ATG4C: variants seen among roughly 807,000 people sequenced by gnomAD.
ATG4C encodes the protein autophagy related 4C cysteine peptidase, also known as cysteine protease ATG4C.
Under a neutral mutation model 57.6 loss-of-function variants are expected in ATG4C, and 56 were observed. The observed-to-expected ratio is 0.97, with a 90% CI of 0.78 to 1.21. The LOEUF is 1.21. ATG4C is among the 50% of genes most tolerant of loss of function. The pLI is 0.00. For synonymous variants in ATG4C, 157 were observed against 174.1 expected, an observed-to-expected ratio of 0.90 and a Z score of 0.78; for missense variants, 595 against 529.8, an observed-to-expected ratio of 1.12 and a Z score of -1.21.
chr1:62,851,119 A>G (rs1666509627), intron 10 of ATG4C, among the ~76,000 whole-genome samples: 1 of 151,838 alleles, frequency 6.6e-6, no homozygotes, highest in African/African-American at 2.4e-5. Context: ...ATAAGTTAGT[A>G]AAGAGGTCAG....
At chr1:62,805,368 G>T (rs1321262153) in intron 3 of ATG4C, 113 bp downstream of exon 3, 10 of 1,301,360 alleles carry the variant, frequency 7.7e-6, no homozygotes, top group South Asian at 2.1e-5. Flanking sequence ...TTAAGTATTT[G>T]TATTTCTTAT....
intron 10 of ATG4C, among the ~76,000 whole-genome samples, chr1:62,857,746 C>T (rs1418659418): frequency 6.6e-6 from 1 of 152,110 alleles, no homozygotes; most frequent in Non-Finnish European, 1.5e-5. Flanking sequence ...TATTGTGGTT[C>T]TCATCTCTGA....
At chr1:62,837,494 G>C (rs773534216) in intron 9 of ATG4C, among the ~76,000 whole-genome samples, 27 of 152,130 alleles carry the variant, frequency 1.8e-4, no homozygotes, top group Non-Finnish European at 3.5e-4. Flanking sequence ...AATTAGAAGG[G>C]AGTGAGAAGA....
At chr1:62,859,046 T>A (rs7527423) in intron 10 of ATG4C, among the ~76,000 whole-genome samples, 68,656 of 152,046 alleles carry the variant, frequency 0.45, 15,615 homozygotes, top group East Asian at 0.66. Context: ...TAAACCTGGA[T>A]TTGTGTAGCC....
Position 62,818,987 on chromosome 1 carries a change from G to A in ATG4C, c.395-18G>A. On this transcript the variant is annotated intron_variant, in intron 4 of 10. Coordinates refer to ENST00000317868, the MANE Select transcript of ATG4C (RefSeq NM_032852.4). ...TCTATTTAAAAGATCTGAACACTTT[G>A]CTTTGGAACTACTATAGCTTGGACC... is the stretch of plus-strand genomic sequence containing the variant. The A allele has an allele frequency of 1.3e-6, 2 of 1,498,490 alleles. No homozygotes were observed. Among genetic ancestry groups the A allele is most frequent in the Non-Finnish European group, 1.8e-6 (2 of 1,125,396 alleles). 92.8% of individuals were successfully genotyped at this position (1,498,490 alleles called of 1,614,324 possible). A position where few individuals can be genotyped will look rare whatever the true frequency, so the allele number is the denominator to read the frequency against.
At position 62,864,221 on chromosome 1, in the gene ATG4C, C is replaced by G. The variant is rs1331988008; in HGVS notation, c.*62C>G. 1.5e-6 allele frequency: 2 copies of G among 1,320,364 alleles called. No individual in the cohort carries two copies. The highest frequency in any genetic ancestry group is 2.6e-5 in the Admixed American group (1 of 38,262). 81.8% of individuals were successfully genotyped at this position (1,320,364 alleles called of 1,614,324 possible). ...TTGAAAGGGGAAAAATGAAGAGAAA[C>G]AAGTATATCTGAAATGTTTATTTTC... is the stretch of plus-strand genomic sequence containing the variant. On this transcript the variant is annotated 3_prime_UTR_variant, in exon 11 of 11. Coordinates refer to ENST00000317868, the MANE Select transcript of ATG4C (RefSeq NM_032852.4).
chr1:62,787,766 C>A (rs1664139778), intron 1 of ATG4C, among the ~76,000 whole-genome samples: 1 of 151,078 alleles, frequency 6.6e-6, no homozygotes, highest in Non-Finnish European at 1.5e-5. Context: ...ATAGTGCCAG[C>A]CTTATAGAAT....
intron 10 of ATG4C, among the ~76,000 whole-genome samples, chr1:62,849,979 CAG>C (rs1449490880): frequency 1.3e-5 from 2 of 152,072 alleles, no homozygotes; most frequent in Admixed American, 6.6e-5. Context: ...ATTTTTAACA[CAG>C]AAGTTTTGTT....
chr1:62,808,632 A>T (rs17316381), intron 3 of ATG4C, among the ~76,000 whole-genome samples: 28,533 of 152,196 alleles, frequency 0.19, 3,468 homozygotes, highest in Non-Finnish European at 0.27. Context: ...AACCAAAGGA[A>T]AGACATTTGT....
intron 10 of ATG4C, among the ~76,000 whole-genome samples, chr1:62,846,422 A>C (rs924729341): frequency 6.6e-6 from 1 of 152,118 alleles, no homozygotes; most frequent in African/African-American, 2.4e-5. Flanking sequence ...TATCTTGATG[A>C]TCTCATGCAG....
chr1:62,849,663 C>T (rs1430718482), intron 10 of ATG4C, among the ~76,000 whole-genome samples: 3 of 152,078 alleles, frequency 2.0e-5, no homozygotes, highest in Non-Finnish European at 2.9e-5. Context: ...CGGTGCCTGC[C>T]ACCACGCCCA....
At chr1:62,798,649 G>GTTT (rs759176582) in intron 1 of ATG4C, among the ~76,000 whole-genome samples, 1 of 143,106 alleles carries the variant, frequency 7.0e-6, no homozygotes, top group Admixed American at 7.0e-5. Context: ...TTTAATATTT[G>GTTT]TTTTTTTTTT....
intron 10 of ATG4C, among the ~76,000 whole-genome samples, chr1:62,844,027 A>G (rs758694146): frequency 2.0e-5 from 3 of 152,150 alleles, no homozygotes; most frequent in African/African-American, 7.2e-5. Flanking sequence ...GGGAAAGAGA[A>G]GGTTACTTCA....
chr1:62,863,108 A>C (rs1666903729), intron 10 of ATG4C, among the ~76,000 whole-genome samples: 1 of 152,036 alleles, frequency 6.6e-6, no homozygotes. Flanking sequence ...AACTTGTTTA[A>C]CAGAAATATT....
intron 9 of ATG4C, among the ~76,000 whole-genome samples, chr1:62,835,790 C>CA (rs1348472159): frequency 2.0e-5 from 3 of 151,990 alleles, no homozygotes; most frequent in Non-Finnish European, 4.4e-5. Context: ...TTTGTTCTTT[C>CA]ATAGTATCTT....
At chr1:62,840,151 C>T (rs527569154) in intron 9 of ATG4C, among the ~76,000 whole-genome samples, 1 of 152,150 alleles carries the variant, frequency 6.6e-6, no homozygotes, top group South Asian at 2.1e-4. Context: ...TCCAGCTCCC[C>T]TCCCCTCCCC....
At chr1:62,849,964 T>A (rs556304100) in intron 10 of ATG4C, among the ~76,000 whole-genome samples, 115 of 152,322 alleles carry the variant, frequency 7.5e-4, no homozygotes, top group African/African-American at 1.7e-3. Context: ...AAAAATATTT[T>A]AAAAATTTTT....
rs766420086 is a variant in ATG4C, at chr1:62,841,379, A to G, written c.1090-49A>G. Reference sequence around the variant, plus strand: ...AATTTTAAATAATAGTTTTATATATACTTGTCTATCAAAGATAAATTAATC... The same window carrying G: ...AATTTTAAATAATAGTTTTATATATGCTTGTCTATCAAAGATAAATTAATC... On this transcript the variant is annotated intron_variant, in intron 9 of 10. Transcript: ENST00000317868. The G allele has an allele frequency of 4.1e-6, 6 of 1,462,482 alleles. 1 individual carries two copies. The South Asian group carries it at 7.5e-5, about 18-fold the overall frequency. 90.6% of individuals were successfully genotyped at this position (1,462,482 alleles called of 1,614,324 possible). A position where few individuals can be genotyped will look rare whatever the true frequency, so the allele number is the denominator to read the frequency against.
chr1:62,833,941 A>T, intron 7 of ATG4C, 97 bp from the exon 8 acceptor site: 2 of 1,012,118 alleles, frequency 2.0e-6, no homozygotes, highest in South Asian at 3.2e-5. Context: ...TGGTAGTGGT[A>T]AATTTGGGAG....
Sources: allele counts gnomAD v4.1 joint callset (sites outside exome capture counted in the v4.1 genomes callset), GRCh38; gene constraint gnomAD v4.1.1; transcripts MANE v1.5; gene names NCBI Gene and HGNC (gene_info 2026-07-23, HGNC 2026-07-21).